CLEC16A: variants seen among roughly 807,000 people sequenced by gnomAD.
CLEC16A encodes protein CLEC16A.
Under a neutral mutation model 109.5 loss-of-function variants are expected in CLEC16A, and 51 were observed. The observed-to-expected ratio is 0.47, with a 90% confidence interval of 0.37 to 0.59. The LOEUF (loss-of-function observed/expected upper bound fraction) is 0.59, where lower values mean the gene tolerates loss of function less well. CLEC16A is among the 20% of genes least tolerant of loss of function. The pLI is 0.00. For missense variants in CLEC16A, 1,339 were observed against 1,394.0 expected, an observed-to-expected ratio of 0.96 and a Z score of 0.63; for synonymous variants, 673 against 564.2, an observed-to-expected ratio of 1.19 and a Z score of -2.73.
At chr16:11,095,203 G>A (rs2050536019) in intron 19 of CLEC16A, among the ~76,000 whole-genome samples, 1 of 152,028 alleles carries the variant, frequency 6.6e-6, no homozygotes. Context: ...GTTATGGAAC[G>A]TGGAAAGCCT....
At chr16:11,015,589 C>A (rs552722440) in intron 11 of CLEC16A, among the ~76,000 whole-genome samples, 4 of 152,326 alleles carry the variant, frequency 2.6e-5, no homozygotes, top group African/African-American at 4.8e-5. Context: ...CATCTGCTGA[C>A]TGTGGTGGGA....
intron 22 of CLEC16A, among the ~76,000 whole-genome samples, chr16:11,163,957 G>A (rs145962325): frequency 4.1e-4 from 63 of 152,290 alleles, no homozygotes; most frequent in Middle Eastern, 3.4e-3. Context: ...ACCGCTCTAA[G>A]TGATTAAGAA....
At chr16:11,157,845 C>G (rs1217453530) in intron 22 of CLEC16A, among the ~76,000 whole-genome samples, 1 of 152,076 alleles carries the variant, frequency 6.6e-6, no homozygotes, top group Non-Finnish European at 1.5e-5. Flanking sequence ...CCTAGGGTAG[C>G]CCCCCACTGA....
chr16:10,948,129 G>A (rs12929836), intron 1 of CLEC16A, among the ~76,000 whole-genome samples: 25,597 of 152,068 alleles, frequency 0.17, 2,660 homozygotes, highest in South Asian at 0.23. Context: ...TCCTGACCTT[G>A]TGATCTGCCC....
intron 3 of CLEC16A, among the ~76,000 whole-genome samples, chr16:10,968,932 AG>A (rs2042646789): frequency 6.7e-6 from 1 of 149,890 alleles, no homozygotes; most frequent in Non-Finnish European, 1.5e-5. Flanking sequence ...TTGGTGTGGG[AG>A]GGCGGGGAAG....
At position 10,957,928 on chromosome 16, in the gene CLEC16A, T is replaced by G. The variant is rs755453916; in HGVS notation, c.209+18T>G. On this transcript the variant is annotated intron_variant, in intron 2 of 23. Transcript: ENST00000409790. ...GTATTTGAGTAAGGGTTTCTAATGA[T>G]TGCTGTTCTTTGATTATTCTTCTTT... The G allele has an allele frequency of 6.2e-7, 1 of 1,609,462 alleles. No individual in the cohort carries two copies. The highest frequency in any genetic ancestry group is 1.1e-5 in the South Asian group (1 of 90,774).
rs2042251991 is a variant in CLEC16A, at chr16:10,961,627, C to G, written c.210-828C>G. Among the ~76,000 whole-genome samples the G allele has an allele frequency of 6.6e-6, 1 of 152,194 alleles. No individual in the cohort carries two copies. The highest frequency in any genetic ancestry group is 1.5e-5 in the Non-Finnish European group (1 of 68,028). ...TGTGTACAGACAAGTATCCTATCCA[C>G]AAGGAGAAAGGCAGAAACAGACCTG... On this transcript the variant is annotated intron_variant, in intron 2 of 23. Coordinates refer to ENST00000409790, the MANE Select transcript of CLEC16A (RefSeq NM_015226.3). The surrounding 1 kb of genome is among the most constrained non-coding windows in gnomAD (Gnocchi z 4.3).
At chr16:10,997,318 A>G (rs1489851063) in intron 10 of CLEC16A, among the ~76,000 whole-genome samples, 2 of 152,230 alleles carry the variant, frequency 1.3e-5, no homozygotes, top group Non-Finnish European at 2.9e-5. Context: ...ATAAAAGTTT[A>G]GTAATCTTAG....
intron 1 of CLEC16A, among the ~76,000 whole-genome samples, chr16:10,951,060 G>C (rs2041704604): frequency 6.6e-6 from 1 of 152,234 alleles, no homozygotes; most frequent in Non-Finnish European, 1.5e-5. Context: ...ATTAACTGTA[G>C]TGGTTTAACC....
At chr16:10,955,525 C>T (rs1025625027) in intron 1 of CLEC16A, among the ~76,000 whole-genome samples, 3 of 152,112 alleles carry the variant, frequency 2.0e-5, no homozygotes, top group Non-Finnish European at 2.9e-5. Flanking sequence ...CCAAGAGATG[C>T]CCGAGCTGGG....
chr16:11,118,801 G>C (rs1484952128), intron 19 of CLEC16A, among the ~76,000 whole-genome samples: 1 of 152,126 alleles, frequency 6.6e-6, no homozygotes, highest in Non-Finnish European at 1.5e-5. Context: ...TCTATCTTGA[G>C]TTGGTTTTTG....
At chr16:11,020,671 A>G (rs1207406361) in intron 12 of CLEC16A, among the ~76,000 whole-genome samples, 2 of 152,230 alleles carry the variant, frequency 1.3e-5, no homozygotes, top group South Asian at 2.1e-4. Flanking sequence ...GGATCCCCTC[A>G]GTAGCTGGGC....
chr16:11,139,519 T>C (rs74773929), intron 22 of CLEC16A, among the ~76,000 whole-genome samples: 3 of 152,226 alleles, frequency 2.0e-5, no homozygotes, highest in Non-Finnish European at 4.4e-5. Context: ...TAGGAATGGC[T>C]GTTTTGCAAC....
intron 19 of CLEC16A, among the ~76,000 whole-genome samples, chr16:11,104,492 AAGG>A (rs893525545): frequency 1.8e-4 from 27 of 152,110 alleles, no homozygotes; most frequent in African/African-American, 6.0e-4. Flanking sequence ...CCCCCTAAGG[AAGG>A]AGAATACCCT....
Position 11,039,737 on chromosome 16 carries a change from C to T in CLEC16A, c.1538-17C>T. 1 of 1,588,160 alleles carries T rather than the reference C, an allele frequency of 6.3e-7. No individual in the cohort carries two copies. The highest frequency in any genetic ancestry group is 8.6e-7 in the Non-Finnish European group (1 of 1,167,124). ...TAGTCAGGAGGCCTCCACTTACATC[C>T]TTCTCCTCTGTTCCAGGCATGGATC... On this transcript the variant is annotated splice_polypyrimidine_tract_variant and intron_variant, in intron 13 of 23. Coordinates refer to ENST00000409790, the MANE Select transcript of CLEC16A (RefSeq NM_015226.3).
chr16:10,946,413 G>T (rs2041376484), intron 1 of CLEC16A, among the ~76,000 whole-genome samples: 1 of 152,172 alleles, frequency 6.6e-6, no homozygotes. Context: ...GAGCAGGAGG[G>T]TTCACTATGT....
intron 16 of CLEC16A, 51 bp from the exon 17 acceptor site, chr16:11,047,241 A>G: frequency 6.6e-7 from 1 of 1,504,898 alleles, no homozygotes; most frequent in Middle Eastern, 1.7e-4. Flanking sequence ...TCTGTTGTTT[A>G]TGGAAAAAAA....
chr16:11,126,970 G>A (rs1240735782), intron 22 of CLEC16A, among the ~76,000 whole-genome samples: 5 of 152,210 alleles, frequency 3.3e-5, no homozygotes, highest in Admixed American at 1.3e-4. Flanking sequence ...CTCAAAACCC[G>A]AGTCCTGGTT....
Position 11,166,447 on chromosome 16 carries a change from C to G in CLEC16A, c.2701C>G (p.Pro901Ala). Reference protein sequence around the residue: ...HSSPSLSSQSPPSASGSPSGS... With the variant: ...HSSPSLSSQSAPSASGSPSGS... ...CTCCCCGTCCCTGTCCTCACAGTCG[C>G]CACCCTCCGCCAGCGGGAGCCCCAG... The change falls in exon 23 of 24, where the codon CCA becomes GCA. Residue 901 changes from proline to alanine, a missense_variant. This residue lies in a region of CLEC16A where 1,061 missense variants were observed against 1,006.8 expected (regional missense o/e 1.05). Coordinates refer to ENST00000409790, the MANE Select transcript of CLEC16A (RefSeq NM_015226.3). The G allele has an allele frequency of 6.2e-7, 1 of 1,607,448 alleles. No individual in the cohort carries two copies. The highest frequency in any genetic ancestry group is 8.5e-7 in the Non-Finnish European group (1 of 1,179,766).
Sources: gnomAD v4.1 joint callset for allele counts (sites outside exome capture counted in the v4.1 genomes callset) on GRCh38, gnomAD v4.1.1 for gene constraint, gnomAD v4.1.1 regional missense constraint, Gnocchi (gnomAD v3.1) non-coding constraint, MANE v1.5 for transcripts, NCBI Gene and HGNC (gene_info 2026-07-23, HGNC 2026-07-21) for gene names.